Variants in SGCD observed in about 807,000 individuals in gnomAD.
The protein encoded by SGCD is delta-sarcoglycan.
SGCD carries 18 observed loss-of-function variants against 36.6 expected under a neutral mutation model. That is an observed-to-expected ratio of 0.49 (90% CI 0.34 to 0.73). SGCD has a LOEUF of 0.73. Among genes scored for constraint, SGCD ranks in the 30% least tolerant of loss-of-function variants. The probability of loss-of-function intolerance (pLI) is 0.01; values close to 1 mark genes in which losing one functional copy is unlikely to be tolerated. For missense variants in SGCD, 387 were observed against 346.7 expected (o/e 1.12, Z -0.92); for synonymous variants, 133 against 130.6 (o/e 1.02, Z -0.12).
intron 3 of SGCD, among the ~76,000 whole-genome samples, chr5:156,357,161 C>T (rs1769535277): frequency 1.3e-5 from 2 of 152,152 alleles, no homozygotes; most frequent in South Asian, 4.1e-4. Context: ...GTGCAGTCAC[C>T]ACACCTGTAT....
chr5:155,947,692 A>C (rs1361034866), intron 1 of SGCD, among the ~76,000 whole-genome samples: 1 of 152,162 alleles, frequency 6.6e-6, no homozygotes, highest in East Asian at 1.9e-4. Context: ...GGTAAGTTAA[A>C]GAACAAGCAT....
chr5:155,782,426 A>C, the SGCD span, among the ~76,000 whole-genome samples: 4 of 151,026 alleles, frequency 2.6e-5, no homozygotes, highest in South Asian at 6.2e-4. Context: ...AAAACAAAAC[A>C]AAAAAAACAC....
rs763067309 is a variant in SGCD, at chr5:155,975,609, C to CTTTTTTTTTTTTTTTTTTTT, written c.-282+105203_-282+105222dup. Among the ~76,000 whole-genome samples the CTTTTTTTTTTTTTTTTTTTT allele has an allele frequency of 2.9e-4, 8 of 28,026 alleles. 4 individuals carry two copies. Among genetic ancestry groups the CTTTTTTTTTTTTTTTTTTTT allele is most frequent in the Non-Finnish European group, 5.5e-4 (8 of 14,592 alleles). 18.4% of individuals were successfully genotyped at this position (28,026 alleles called of 152,430 possible). A position where few individuals can be genotyped will look rare whatever the true frequency, so the allele number is the denominator to read the frequency against. ...TGTGTTATTTATTTTTCTTTCTTTCCTTTTTTTTTTTTTTTTTTTTTTTTT... is the reference window on the plus strand; with the variant it reads ...TGTGTTATTTATTTTTCTTTCTTTCCTTTTTTTTTTTTTTTTTTTTTTTTTTTTTTTTTTTTTTTTTTTTT... On this transcript the variant is annotated intron_variant, in intron 1 of 9. Transcript: ENST00000517913.
chr5:155,796,880 A>C, the SGCD span, among the ~76,000 whole-genome samples: 1 of 151,724 alleles, frequency 6.6e-6, no homozygotes, highest in African/African-American at 2.4e-5. Flanking sequence ...AGATTAACAA[A>C]CCACAAATTG....
At chr5:156,643,190 G>A (rs192397223) in intron 6 of SGCD, among the ~76,000 whole-genome samples, 272 of 151,872 alleles carry the variant, frequency 1.8e-3, no homozygotes, top group African/African-American at 6.0e-3. Context: ...GCACCACCAC[G>A]CCCGGCTAAT....
rs67401229 is a variant in SGCD, at chr5:156,101,941, TGAGAGAGA to T, written c.-281-15916_-281-15909del. On this transcript the variant is annotated intron_variant, in intron 1 of 9. Transcript: ENST00000517913. ...GTGTGTGTGTGTGTGTGTGTGTGTG[TGAGAGAGA>T]GAGAGAGAGAGAGAGAGAGAAGCTG... is the stretch of plus-strand genomic sequence containing the variant. 1.2e-4 allele frequency among the ~76,000 whole-genome samples: 17 copies of T among 138,350 alleles called. No homozygotes were observed. The South Asian group carries it at 2.6e-3, about 21-fold the overall frequency. 90.8% of individuals were successfully genotyped at this position (138,350 alleles called of 152,430 possible). A position where few individuals can be genotyped will look rare whatever the true frequency, so the allele number is the denominator to read the frequency against.
intron 6 of SGCD, among the ~76,000 whole-genome samples, chr5:156,643,450 T>C (rs571852844): frequency 2.9e-4 from 44 of 152,200 alleles, no homozygotes; most frequent in African/African-American, 1.0e-3. Flanking sequence ...ATTTATTAAG[T>C]TAATTGAACT....
intron 3 of SGCD, among the ~76,000 whole-genome samples, chr5:156,310,272 C>A (rs1421086517): frequency 5.3e-5 from 8 of 152,124 alleles, no homozygotes. Flanking sequence ...CTTTTACATC[C>A]CTTGGAAGTC....
At chr5:156,447,664 A>C (rs1753803792) in intron 3 of SGCD, among the ~76,000 whole-genome samples, 1 of 152,140 alleles carries the variant, frequency 6.6e-6, no homozygotes, top group African/African-American at 2.4e-5. Flanking sequence ...AAGTTGATGG[A>C]GGGTGGGAGA....
At chr5:156,609,553 A>G (rs538916515) in intron 6 of SGCD, among the ~76,000 whole-genome samples, 62 of 152,130 alleles carry the variant, frequency 4.1e-4, no homozygotes, top group African/African-American at 1.4e-3. Context: ...GAGTATCTTT[A>G]TGGCATTCTC....
chr5:155,794,270 C>T, the SGCD span, among the ~76,000 whole-genome samples: 19 of 152,078 alleles, frequency 1.2e-4, no homozygotes, highest in South Asian at 6.2e-4. Context: ...TATTCTGGAA[C>T]GTCTATAATT....
At chr5:155,857,053 G>A in the SGCD span, among the ~76,000 whole-genome samples, 1 of 152,066 alleles carries the variant, frequency 6.6e-6, no homozygotes, top group Admixed American at 6.6e-5. Context: ...GGCCAGCATG[G>A]TGAAACCCCA....
chr5:156,701,752 G>C (rs933373650), intron 7 of SGCD, among the ~76,000 whole-genome samples: 13 of 152,158 alleles, frequency 8.5e-5, no homozygotes, highest in African/African-American at 2.9e-4. Flanking sequence ...AAAAAACAGT[G>C]TGAGGATTTT....
intron 3 of SGCD, among the ~76,000 whole-genome samples, chr5:156,125,800 T>C (rs964674960): frequency 2.0e-5 from 3 of 150,292 alleles, no homozygotes; most frequent in African/African-American, 7.3e-5. Flanking sequence ...ACAAAATTGA[T>C]GTATAGTTGT....
At chr5:155,896,443 C>G (rs1455092054) in intron 1 of SGCD, among the ~76,000 whole-genome samples, 1 of 143,990 alleles carries the variant, frequency 6.9e-6, no homozygotes. Flanking sequence ...TGAGACCAGC[C>G]TGGGCAACAT....
At chr5:156,656,895 T>C (rs1763705006) in intron 7 of SGCD, among the ~76,000 whole-genome samples, 1 of 151,906 alleles carries the variant, frequency 6.6e-6, no homozygotes, top group Admixed American at 6.6e-5. Context: ...GGGTTTCTTT[T>C]TGTTGTTGTT....
chr5:156,537,112 T>C (rs1262831709), intron 4 of SGCD, among the ~76,000 whole-genome samples: 1 of 152,220 alleles, frequency 6.6e-6, no homozygotes, highest in Non-Finnish European at 1.5e-5. Context: ...CAAAAGCCAG[T>C]GAAGCATTCT....
At chr5:156,203,184 T>C (rs1764193664) in intron 3 of SGCD, among the ~76,000 whole-genome samples, 1 of 152,160 alleles carries the variant, frequency 6.6e-6, no homozygotes, top group Admixed American at 6.5e-5. Context: ...AGTGCCTCTA[T>C]TTGCTGTGGC....
At chr5:156,537,973 T>A (rs1450830546) in intron 4 of SGCD, among the ~76,000 whole-genome samples, 2 of 152,106 alleles carry the variant, frequency 1.3e-5, no homozygotes, top group East Asian at 1.9e-4. Context: ...AGATTATATA[T>A]CTTTTCCTTG....
Sources: allele counts gnomAD v4.1 joint callset (sites outside exome capture counted in the v4.1 genomes callset), GRCh38; gene constraint gnomAD v4.1.1; transcripts MANE v1.5; gene names NCBI Gene and HGNC (gene_info 2026-07-23, HGNC 2026-07-21).